The following SYT9 variants were observed in gnomAD, a reference collection of about 807,000 sequenced individuals.
SYT9 encodes the protein synaptotagmin-9.
In SYT9, 22 loss-of-function variants were observed where a neutral mutation model predicts 48.4. The ratio of observed to expected loss-of-function variants is 0.45; its 90% CI spans 0.32 to 0.65. The LOEUF is 0.65. SYT9 is among the 30% of genes least tolerant of loss of function. The probability of loss-of-function intolerance (pLI) is 0.03; values close to 1 mark genes in which losing one functional copy is unlikely to be tolerated. For missense variants in SYT9, 577 were observed against 622.0 expected, an observed-to-expected ratio of 0.93 and a Z score of 0.77; for synonymous variants, 265 against 245.0, an observed-to-expected ratio of 1.08 and a Z score of -0.76.
intron 1 of SYT9, among the ~76,000 whole-genome samples, chr11:7,267,113 G>C (rs1333011611): frequency 6.6e-6 from 1 of 151,856 alleles, no homozygotes; most frequent in Non-Finnish European, 1.5e-5. Context: ...AAACTGTAAA[G>C]ACTTAGAAGT....
At chr11:7,328,103 T>A (rs58123996) in intron 3 of SYT9, among the ~76,000 whole-genome samples, 129,850 of 149,714 alleles carry the variant, frequency 0.87, 56,173 homozygotes, top group Admixed American at 0.92. Flanking sequence ...ATAATAATTT[T>A]AAAAAAAATT....
At chr11:7,457,740 T>A (rs917605310) in intron 6 of SYT9, 1 of 152,158 alleles carries the variant, frequency 6.6e-6, no homozygotes, top group East Asian at 1.9e-4. Flanking sequence ...TCAGATGGAT[T>A]TGCAGTGTCA....
At chr11:7,364,441 A>G (rs1850203654) in intron 3 of SYT9, among the ~76,000 whole-genome samples, 1 of 152,226 alleles carries the variant, frequency 6.6e-6, no homozygotes. Flanking sequence ...TCTAATGCCC[A>G]CCAAAAAATC....
chr11:7,397,386 C>T (rs1343716791), intron 3 of SYT9, among the ~76,000 whole-genome samples: 1 of 152,104 alleles, frequency 6.6e-6, no homozygotes, highest in African/African-American at 2.4e-5. Flanking sequence ...AGTGCTATGT[C>T]TGTCCTTTTG....
At chr11:7,378,314 A>G (rs566888998) in intron 3 of SYT9, among the ~76,000 whole-genome samples, 13 of 152,066 alleles carry the variant, frequency 8.5e-5, no homozygotes, top group Non-Finnish European at 1.8e-4. Context: ...ATAATATGCT[A>G]AGGAATTTGG....
chr11:7,402,359 T>G lies in SYT9; in HGVS notation c.1045-13683T>G, dbSNP rs1590000421. Among the ~76,000 whole-genome samples, 2 of 152,252 alleles carry G rather than the reference T, an allele frequency of 1.3e-5. 1 individual carries two copies. The highest frequency in any genetic ancestry group is 1.3e-4 in the Admixed American group (2 of 15,288). ...GTTAGGTCATGTTGATTGATAACAT[T>G]GTTCACGTCTTTTATATTCTTACTT... On this transcript the variant is annotated intron_variant, in intron 3 of 6. Coordinates refer to ENST00000318881, the MANE Select transcript of SYT9 (RefSeq NM_175733.4).
intron 5 of SYT9, among the ~76,000 whole-genome samples, chr11:7,419,215 A>G (rs1373338455): frequency 6.6e-6 from 1 of 152,224 alleles, no homozygotes; most frequent in Admixed American, 6.5e-5. Context: ...GCAATTTTTA[A>G]GCTATTGCCA....
At chr11:7,303,503 G>C in intron 2 of SYT9, 113 bp downstream of exon 2, 1 of 950,640 alleles carries the variant, frequency 1.1e-6, no homozygotes, top group Non-Finnish European at 1.5e-6. Flanking sequence ...TTTCTGTTCT[G>C]TATCAGAGAC....
chr11:7,321,144 T>C (rs1849331792), intron 3 of SYT9, among the ~76,000 whole-genome samples: 1 of 152,198 alleles, frequency 6.6e-6, no homozygotes, highest in African/African-American at 2.4e-5. Context: ...GTAATGACAG[T>C]AGAAGTAATG....
At chr11:7,289,431 A>C (rs1365906150) in intron 1 of SYT9, among the ~76,000 whole-genome samples, 2 of 152,222 alleles carry the variant, frequency 1.3e-5, no homozygotes, top group African/African-American at 4.8e-5. Context: ...AAATGTAGTT[A>C]ATTACCACTG....
At chr11:7,251,111 C>CAG (rs1564835890), upstream of SYT9, among the ~76,000 whole-genome samples, 1 of 149,416 alleles carries the variant, frequency 6.7e-6, no homozygotes, top group African/African-American at 2.5e-5. Flanking sequence ...CACACACACA[C>CAG]ACACACACAC....
intron 1 of SYT9, among the ~76,000 whole-genome samples, chr11:7,294,799 G>A (rs6578843): frequency 2.0e-5 from 3 of 151,990 alleles, no homozygotes; most frequent in African/African-American, 4.8e-5. Context: ...GGGGCCATTT[G>A]GCCTATTGAA....
chr11:7,329,139 G>A (rs1199999563), intron 3 of SYT9, among the ~76,000 whole-genome samples: 2 of 152,094 alleles, frequency 1.3e-5, no homozygotes, highest in Admixed American at 1.3e-4. Flanking sequence ...GTCTCTCCCT[G>A]ATGCTTTCTA....
intron 3 of SYT9, among the ~76,000 whole-genome samples, chr11:7,334,387 T>C (rs1159379512): frequency 6.6e-6 from 1 of 152,092 alleles, no homozygotes; most frequent in Non-Finnish European, 1.5e-5. Flanking sequence ...GGTCAATCTA[T>C]TATAGAAGGC....
chr11:7,279,808 G>A (rs1334919666), intron 1 of SYT9, among the ~76,000 whole-genome samples: 3 of 152,178 alleles, frequency 2.0e-5, no homozygotes, highest in Non-Finnish European at 4.4e-5. Context: ...ATATATGATT[G>A]TGACCCAGAA....
At chr11:7,269,247 G>A (rs1848251640) in intron 1 of SYT9, among the ~76,000 whole-genome samples, 1 of 151,920 alleles carries the variant, frequency 6.6e-6, no homozygotes, top group Admixed American at 6.6e-5. Context: ...TCAGCAAATG[G>A]GGTTGAGATA....
chr11:7,360,922 C>T lies in SYT9; in HGVS notation c.1044+46981C>T, dbSNP rs187853858. On this transcript the variant is annotated intron_variant, in intron 3 of 6. Coordinates refer to ENST00000318881, the MANE Select transcript of SYT9 (RefSeq NM_175733.4). Reference sequence around the variant, plus strand: ...TCAAGTTATCTATTCTTGATTCTGACGTTGGTAACTGGTTTTTTTCTAGTC... The same window carrying T: ...TCAAGTTATCTATTCTTGATTCTGATGTTGGTAACTGGTTTTTTTCTAGTC... Among the ~76,000 whole-genome samples, 14 of 151,956 alleles carry T rather than the reference C, an allele frequency of 9.2e-5. No homozygotes were observed. In the East Asian group the frequency reaches 9.6e-4, roughly 10 times the overall value.
chr11:7,403,985 T>C (rs1370044318), intron 3 of SYT9, among the ~76,000 whole-genome samples: 4 of 152,202 alleles, frequency 2.6e-5, no homozygotes, highest in Admixed American at 2.6e-4. Flanking sequence ...TTTTTATACA[T>C]TTTTAATGAG....
chr11:7,423,018 A>G (rs1273268211), intron 6 of SYT9, among the ~76,000 whole-genome samples: 1 of 152,252 alleles, frequency 6.6e-6, no homozygotes, highest in Non-Finnish European at 1.5e-5. Flanking sequence ...CTTAGAAGTC[A>G]TTTGTTACAG....
Sources: gnomAD v4.1 joint callset for allele counts (sites outside exome capture counted in the v4.1 genomes callset) on GRCh38, gnomAD v4.1.1 for gene constraint, MANE v1.5 for transcripts, NCBI Gene and HGNC (gene_info 2026-07-23, HGNC 2026-07-21) for gene names.